The following ZNF518A variants were observed in gnomAD, a reference collection of about 807,000 sequenced individuals.
ZNF518A encodes zinc finger protein 518.
ZNF518A carries 47 observed loss-of-function variants against 102.7 expected under a neutral mutation model. The ratio of observed to expected loss-of-function variants is 0.46; its 90% confidence interval spans 0.36 to 0.58. The LOEUF (loss-of-function observed/expected upper bound fraction) is 0.58, where lower values mean the gene tolerates loss of function less well. Among genes scored for constraint, ZNF518A ranks in the 20% least tolerant of loss-of-function variants. ZNF518A has a pLI of 0.00. For missense variants in ZNF518A, 1,793 were observed against 1,699.8 expected (o/e 1.05, Z -0.96); for synonymous variants, 652 against 594.6 (o/e 1.10, Z -1.40).
chr10:96,131,057 C>G (rs76005516), intron 1 of ZNF518A, among the ~76,000 whole-genome samples: 1 of 152,160 alleles, frequency 6.6e-6, no homozygotes, highest in South Asian at 2.1e-4. Context: ...TGTATGTGAG[C>G]TGTTTTAGTG....
chr10:96,152,170 G>T (rs1363067485), intron 3 of ZNF518A, among the ~76,000 whole-genome samples: 1 of 151,970 alleles, frequency 6.6e-6, no homozygotes, highest in Non-Finnish European at 1.5e-5. Flanking sequence ...AAAATTAGCG[G>T]ACTGTGATGG....
intron 1 of ZNF518A, among the ~76,000 whole-genome samples, chr10:96,195,318 C>T (rs1281499033): frequency 9.9e-5 from 15 of 152,050 alleles, no homozygotes; most frequent in Admixed American, 9.2e-4. Context: ...GGGTATATAC[C>T]CCCAAATAAT....
chr10:96,136,845 CAG>C (rs1372920772), intron 3 of ZNF518A, among the ~76,000 whole-genome samples: 1 of 152,188 alleles, frequency 6.6e-6, no homozygotes, highest in African/African-American at 2.4e-5. Context: ...ATCTGACCCT[CAG>C]AGAGTAGCAG....
intron 1 of ZNF518A, among the ~76,000 whole-genome samples, chr10:96,188,541 G>A (rs939589873): frequency 6.6e-6 from 1 of 152,154 alleles, no homozygotes; most frequent in Non-Finnish European, 1.5e-5. Flanking sequence ...TACTTAAATA[G>A]AAAATAATTC....
intron 3 of ZNF518A, among the ~76,000 whole-genome samples, chr10:96,152,049 C>T (rs1266080247): frequency 6.6e-6 from 1 of 152,238 alleles, no homozygotes; most frequent in East Asian, 1.9e-4. Context: ...TTGTGGCACA[C>T]ACCTATAATC....
intron 1 of ZNF518A, 110 bp downstream of exon 1, chr10:96,130,862 C>T (rs1388406407): frequency 6.6e-6 from 1 of 152,212 alleles, no homozygotes; most frequent in Admixed American, 6.5e-5. Context: ...ATGGTGTCCT[C>T]TTTGTCAAGT....
At chr10:96,132,340 C>G (rs782451677) in intron 1 of ZNF518A, among the ~76,000 whole-genome samples, 1 of 151,740 alleles carries the variant, frequency 6.6e-6, no homozygotes. Context: ...GGGCAAGGCT[C>G]ATTTTCTTTT....
chr10:96,184,377 A>T (rs587634070), intron 1 of ZNF518A, among the ~76,000 whole-genome samples: 1 of 152,314 alleles, frequency 6.6e-6, no homozygotes, highest in African/African-American at 2.4e-5. Context: ...CCGTTAATTG[A>T]TGCAGTTTCT....
intron 3 of ZNF518A, among the ~76,000 whole-genome samples, chr10:96,144,393 G>A (rs910309658): frequency 2.6e-5 from 4 of 152,062 alleles, no homozygotes; most frequent in Admixed American, 6.6e-5. Context: ...TGGATGTTCC[G>A]TAATTTTATA....
chr10:96,183,564 G>C (rs1340563874), intron 1 of ZNF518A, among the ~76,000 whole-genome samples: 2 of 152,056 alleles, frequency 1.3e-5, no homozygotes, highest in African/African-American at 4.8e-5. Flanking sequence ...CCTTCATTTT[G>C]TTATTTACCC....
intron 1 of ZNF518A, among the ~76,000 whole-genome samples, chr10:96,183,926 C>T (rs2083255263): frequency 6.6e-6 from 1 of 152,036 alleles, no homozygotes. Context: ...TTAAATTCTC[C>T]CATTATTATT....
chr10:96,196,468 T>C (rs1035488151), intron 1 of ZNF518A, among the ~76,000 whole-genome samples: 3 of 152,230 alleles, frequency 2.0e-5, no homozygotes, highest in African/African-American at 2.4e-5. Context: ...ACAAGGGCTA[T>C]AGTCTAATGT....
intron 1 of ZNF518A, among the ~76,000 whole-genome samples, chr10:96,174,832 C>A (rs1451244777): frequency 6.6e-6 from 1 of 152,090 alleles, no homozygotes; most frequent in African/African-American, 2.4e-5. Flanking sequence ...TCCCCCACTC[C>A]CCCAAATGCA....
At chr10:96,131,893 G>A (rs1370617206) in intron 1 of ZNF518A, among the ~76,000 whole-genome samples, 1 of 152,068 alleles carries the variant, frequency 6.6e-6, no homozygotes, top group Non-Finnish European at 1.5e-5. Context: ...TTTGACTTCA[G>A]GATATGCTTT....
chr10:96,138,489 T>A (rs1266127818), intron 3 of ZNF518A, among the ~76,000 whole-genome samples: 1 of 152,328 alleles, frequency 6.6e-6, no homozygotes, highest in South Asian at 2.1e-4. Flanking sequence ...CTCAGCTCTT[T>A]AAGATACTGA....
intron 3 of ZNF518A, among the ~76,000 whole-genome samples, chr10:96,137,016 A>C (rs2081628621): frequency 6.6e-6 from 1 of 152,268 alleles, no homozygotes; most frequent in African/African-American, 2.4e-5. Context: ...GCTGTATTCC[A>C]GTGAAACTTA....
chr10:96,194,901 G>A (rs1464189703), intron 1 of ZNF518A, among the ~76,000 whole-genome samples: 1 of 150,150 alleles, frequency 6.7e-6, no homozygotes, highest in Non-Finnish European at 1.5e-5. Context: ...CTCCTGTGTA[G>A]CTGGGACTAC....
At chr10:96,143,832 T>TA (rs1357559114) in intron 3 of ZNF518A, among the ~76,000 whole-genome samples, 1 of 152,220 alleles carries the variant, frequency 6.6e-6, no homozygotes, top group Admixed American at 6.5e-5. Context: ...TCATTTCTTT[T>TA]AAAAAAATTA....
chr10:96,174,232 A>T (rs1369939582), intron 1 of ZNF518A, among the ~76,000 whole-genome samples: 1 of 152,106 alleles, frequency 6.6e-6, no homozygotes, highest in South Asian at 2.1e-4. Flanking sequence ...ATTTCAAATT[A>T]ATAGCATAAC....
Sources: gnomAD v4.1 joint callset for allele counts (sites outside exome capture counted in the v4.1 genomes callset) on GRCh38, gnomAD v4.1.1 for gene constraint, MANE v1.5 for transcripts, NCBI Gene and HGNC (gene_info 2026-07-23, HGNC 2026-07-21) for gene names.